The following KCNC2 variants were observed in gnomAD, a reference collection of about 807,000 sequenced individuals.
KCNC2 encodes the protein potassium voltage-gated channel subfamily C member 2.
A neutral mutation model predicts 44.5 loss-of-function variants in KCNC2; 21 were observed. The observed-to-expected ratio is 0.47, with a 90% CI of 0.33 to 0.68. The LOEUF (loss-of-function observed/expected upper bound fraction) is 0.68, where lower values mean the gene tolerates loss of function less well. KCNC2 is among the 30% of genes least tolerant of loss of function. The pLI, the probability that KCNC2 is intolerant of heterozygous loss-of-function variation, is 0.01. For missense variants in KCNC2, 589 were observed against 826.2 expected (o/e 0.71, Z 3.52); for synonymous variants, 391 against 339.1 (o/e 1.15, Z -1.68).
chr12:75,081,093 G>T (rs1884457019), intron 2 of KCNC2, among the ~76,000 whole-genome samples: 1 of 118,516 alleles, frequency 8.4e-6, no homozygotes, highest in African/African-American at 2.5e-5. Flanking sequence ...TAGCCTTCCT[G>T]TAACGCTATA....
At chr12:75,120,014 C>T (rs1237278957) in intron 2 of KCNC2, among the ~76,000 whole-genome samples, 2 of 152,106 alleles carry the variant, frequency 1.3e-5, no homozygotes, top group Non-Finnish European at 2.9e-5. Flanking sequence ...ATAAAGCTTT[C>T]GAAGAGGATT....
chr12:75,101,664 G>C (rs993330045), intron 2 of KCNC2, among the ~76,000 whole-genome samples: 10 of 152,058 alleles, frequency 6.6e-5, no homozygotes, highest in Non-Finnish European at 1.0e-4. Context: ...GACCAAGAAT[G>C]AGAGTTCTAT....
intron 4 of KCNC2, chr12:75,043,641 C>T: frequency 8.1e-7 from 1 of 1,234,236 alleles, no homozygotes; most frequent in Non-Finnish European, 1.0e-6. Context: ...GCTACTTTTT[C>T]TCTTTTCATT....
At position 75,042,972 on chromosome 12, in the gene KCNC2, T is replaced by C. The variant is rs1458860335; in HGVS notation, c.*133A>G. On this transcript the variant is annotated 3_prime_UTR_variant, in exon 5 of 5. Coordinates refer to ENST00000549446, the MANE Select transcript of KCNC2 (RefSeq NM_139137.4). Reference sequence around the variant, plus strand: ...CCCAAGTGGCATTTCTGACTTCAAATTGTAGTATCATGCAAGATTTATACT... The same window carrying C: ...CCCAAGTGGCATTTCTGACTTCAAACTGTAGTATCATGCAAGATTTATACT... 12 of 1,419,404 alleles carry C rather than the reference T, an allele frequency of 8.5e-6. No individual in the cohort carries two copies. In the Admixed American group the frequency reaches 3.3e-4, roughly 38 times the overall value. The allele number at this position is 1,419,404 out of a possible 1,614,324, so 87.9% of individuals were successfully genotyped here.
At chr12:75,104,417 C>T (rs1247842877) in intron 2 of KCNC2, among the ~76,000 whole-genome samples, 4 of 152,082 alleles carry the variant, frequency 2.6e-5, no homozygotes, top group Non-Finnish European at 2.9e-5. Context: ...AGGCCACAAA[C>T]CACTAACTGG....
chr12:75,111,806 T>C (rs1365677148), intron 2 of KCNC2, among the ~76,000 whole-genome samples: 1 of 152,116 alleles, frequency 6.6e-6, no homozygotes, highest in Non-Finnish European at 1.5e-5. Flanking sequence ...TTATCTTCCT[T>C]TATGAACACA....
At chr12:75,118,097 T>C (rs1178425476) in intron 2 of KCNC2, among the ~76,000 whole-genome samples, 2 of 152,224 alleles carry the variant, frequency 1.3e-5, no homozygotes, top group African/African-American at 4.8e-5. Flanking sequence ...CAATGGCATT[T>C]TTAGAGCTTC....
At position 75,137,776 on chromosome 12, in the gene KCNC2, T is replaced by C. The variant is rs529684037; in HGVS notation, c.687+69521A>G. ...TCCCTTTCTCAGTTTACATTTTCATTAAGAAACATTCATCACCATCAAATA... is the reference window on the plus strand; with the variant it reads ...TCCCTTTCTCAGTTTACATTTTCATCAAGAAACATTCATCACCATCAAATA... On this transcript the variant is annotated intron_variant, in intron 2 of 4. Coordinates refer to ENST00000549446, the MANE Select transcript of KCNC2 (RefSeq NM_139137.4). 5.3e-5 allele frequency among the ~76,000 whole-genome samples: 8 copies of C among 152,334 alleles called. No homozygotes were observed. The East Asian group carries it at 1.4e-3, about 26-fold the overall frequency.
intron 2 of KCNC2, among the ~76,000 whole-genome samples, chr12:75,127,127 G>A (rs1888484149): frequency 6.6e-6 from 1 of 152,102 alleles, no homozygotes; most frequent in African/African-American, 2.4e-5. Flanking sequence ...GGGAACTCAA[G>A]GTGGAAATAA....
At chr12:75,124,279 G>T (rs1035931637) in intron 2 of KCNC2, among the ~76,000 whole-genome samples, 1 of 152,080 alleles carries the variant, frequency 6.6e-6, no homozygotes, top group African/African-American at 2.4e-5. Context: ...AAGGCTCCAG[G>T]TTTACTTGAT....
chr12:75,162,224 A>G (rs193103239), intron 2 of KCNC2, among the ~76,000 whole-genome samples: 2 of 151,924 alleles, frequency 1.3e-5, no homozygotes, highest in East Asian at 1.9e-4. Flanking sequence ...GAAATGTAGT[A>G]TAAACATCTT....
At chr12:75,091,893 T>C (rs1368137154) in intron 2 of KCNC2, among the ~76,000 whole-genome samples, 1 of 151,742 alleles carries the variant, frequency 6.6e-6, no homozygotes, top group Non-Finnish European at 1.5e-5. Context: ...TTATAAGATC[T>C]AAACTATTTT....
At chr12:75,080,680 A>AG (rs1884416001) in intron 2 of KCNC2, among the ~76,000 whole-genome samples, 1 of 152,106 alleles carries the variant, frequency 6.6e-6, no homozygotes, top group Non-Finnish European at 1.5e-5. Context: ...TCTGCACTGA[A>AG]TCTGGCCCCT....
chr12:75,115,993 C>T (rs139937169), intron 2 of KCNC2, among the ~76,000 whole-genome samples: 374 of 152,278 alleles, frequency 2.5e-3, no homozygotes, highest in Non-Finnish European at 4.7e-3. Flanking sequence ...CCCTGCAGTG[C>T]CTGGAACAGT....
chr12:75,092,015 T>C (rs559556075), intron 2 of KCNC2, among the ~76,000 whole-genome samples: 1 of 151,766 alleles, frequency 6.6e-6, no homozygotes, highest in Non-Finnish European at 1.5e-5. Context: ...TCAGGATCAT[T>C]CTATTATAAC....
intron 2 of KCNC2, among the ~76,000 whole-genome samples, chr12:75,072,086 G>A (rs1162402627): frequency 1.3e-5 from 2 of 151,382 alleles, no homozygotes; most frequent in Admixed American, 1.3e-4. Flanking sequence ...GAGTCAATTT[G>A]ATATATGTAA....
In KCNC2 at chr12:75,111,943, G is replaced by C. The variant is rs151218010; in HGVS notation, c.688-60626C>G. On this transcript the variant is annotated intron_variant, in intron 2 of 4. Coordinates refer to ENST00000549446, the MANE Select transcript of KCNC2 (RefSeq NM_139137.4). Reference sequence around the variant, plus strand: ...TAAATATTCTCATTGATTAAGAAAAGATATTCTATTAAAAAATGAAGAAAA... The same window carrying C: ...TAAATATTCTCATTGATTAAGAAAACATATTCTATTAAAAAATGAAGAAAA... 6.1e-3 allele frequency among the ~76,000 whole-genome samples: 918 copies of C among 151,688 alleles called. 6 individuals are homozygous for C. The highest frequency in any genetic ancestry group is 0.021 in the African/African-American group (849 of 41,412).
At chr12:75,094,607 G>T (rs917775506) in intron 2 of KCNC2, among the ~76,000 whole-genome samples, 6 of 151,606 alleles carry the variant, frequency 4.0e-5, no homozygotes, top group Admixed American at 2.0e-4. Flanking sequence ...TGAAATGCTT[G>T]ACTTGTAAGG....
At chr12:75,120,697 C>G (rs548484893) in intron 2 of KCNC2, among the ~76,000 whole-genome samples, 7 of 152,212 alleles carry the variant, frequency 4.6e-5, no homozygotes, top group African/African-American at 1.4e-4. Context: ...ATTAATTACC[C>G]TCCCAGGAAA....
Sources: gnomAD v4.1 joint callset for allele counts (sites outside exome capture counted in the v4.1 genomes callset) on GRCh38, gnomAD v4.1.1 for gene constraint, MANE v1.5 for transcripts, NCBI Gene and HGNC (gene_info 2026-07-23, HGNC 2026-07-21) for gene names.